Variants in PTPRJ observed in about 807,000 individuals in gnomAD.
The protein encoded by PTPRJ is receptor-type tyrosine-protein phosphatase eta.
Under a neutral mutation model 141.3 loss-of-function variants are expected in PTPRJ, and 129 were observed. The ratio of observed to expected loss-of-function variants is 0.91; its 90% CI spans 0.79 to 1.06. PTPRJ has a LOEUF of 1.06. Among genes scored for constraint, PTPRJ ranks in the 50% least tolerant of loss-of-function variants. The probability of loss-of-function intolerance (pLI) is 0.00; values close to 1 mark genes in which losing one functional copy is unlikely to be tolerated. For synonymous variants in PTPRJ, 610 were observed against 640.5 expected (o/e 0.95, Z 0.72); for missense variants, 1,601 against 1,679.7 (o/e 0.95, Z 0.82).
At chr11:48,000,046 A>G (rs1258363116) in intron 1 of PTPRJ, among the ~76,000 whole-genome samples, 1 of 150,852 alleles carries the variant, frequency 6.6e-6, no homozygotes, top group East Asian at 2.0e-4. Context: ...TTTAGTAGAG[A>G]TGGGGTTTCA....
chr11:48,057,872 T>G (rs1012365189), intron 1 of PTPRJ, among the ~76,000 whole-genome samples: 21 of 151,504 alleles, frequency 1.4e-4, no homozygotes, highest in African/African-American at 5.1e-4. Flanking sequence ...TGCTTCATCC[T>G]TTTAGGTGAT....
chr11:48,138,421 A>G (rs555962919), intron 10 of PTPRJ, among the ~76,000 whole-genome samples: 1 of 152,180 alleles, frequency 6.6e-6, no homozygotes, highest in African/African-American at 2.4e-5. Flanking sequence ...TGCAGTGTTC[A>G]GGTTACCTTT....
At chr11:48,143,295 C>T (rs1566728) in intron 12 of PTPRJ, among the ~76,000 whole-genome samples, 118,328 of 152,156 alleles carry the variant, frequency 0.78, 46,678 homozygotes, top group East Asian at 0.85. Flanking sequence ...TGCAAGCATT[C>T]GACTCTGCCA....
intron 1 of PTPRJ, among the ~76,000 whole-genome samples, chr11:48,089,497 C>T (rs566431011): frequency 1.6e-3 from 214 of 131,570 alleles, no homozygotes; most frequent in Middle Eastern, 9.7e-3. Context: ...GCCTGGGCAA[C>T]GGAGCGAGAC....
At chr11:48,141,182 T>A (rs969351050) in intron 11 of PTPRJ, among the ~76,000 whole-genome samples, 22 of 152,228 alleles carry the variant, frequency 1.4e-4, no homozygotes, top group African/African-American at 5.3e-4. Flanking sequence ...ATTTATTTTT[T>A]AAAAATATAT....
chr11:48,074,232 A>G (rs1225832465), intron 1 of PTPRJ, among the ~76,000 whole-genome samples: 2 of 152,246 alleles, frequency 1.3e-5, no homozygotes, highest in Non-Finnish European at 2.9e-5. Context: ...AAAAGTGTTT[A>G]CAGGACTTTA....
Position 48,156,017 on chromosome 11 carries a change from A to C in PTPRJ, c.3336A>C (p.Thr1112=). Residue 1112 remains threonine (T), a synonymous_variant, in exon 21 of 25, where the codon ACA becomes ACC. Coordinates refer to ENST00000418331, the MANE Select transcript of PTPRJ (RefSeq NM_002843.4). ...ACTCCAAGAAAGATTTTATTGCCAC[A>C]CAAGGACCTTTACCGAACACTTTGA... ...GYHSKKDFIA[T]QGPLPNTLKD... 1 of 1,609,246 alleles carries C rather than the reference A, an allele frequency of 6.2e-7. No individual in the cohort carries two copies. Among genetic ancestry groups the C allele is most frequent in the Non-Finnish European group, 8.5e-7 (1 of 1,175,554 alleles).
intron 1 of PTPRJ, among the ~76,000 whole-genome samples, chr11:48,031,991 CCTGTGA>C (rs1853997030): frequency 6.6e-6 from 1 of 152,144 alleles, no homozygotes; most frequent in Non-Finnish European, 1.5e-5. Context: ...AGGCAGTGTC[CCTGTGA>C]CTGTATCATA....
At position 48,110,094 on chromosome 11, in the gene PTPRJ, C is replaced by T. The variant is rs1856401466; in HGVS notation, c.115+18C>T. ...AGGTGGCAGTGAGTACCCTTTTCCT[C>T]TCTATTCTTGTGTTGTTCGCTACTG... On this transcript the variant is annotated intron_variant, in intron 2 of 24. Coordinates refer to ENST00000418331, the MANE Select transcript of PTPRJ (RefSeq NM_002843.4). 2 of 1,611,974 alleles carry T rather than the reference C, an allele frequency of 1.2e-6. No homozygotes were observed. The highest frequency in any genetic ancestry group is 2.7e-5 in the African/African-American group (2 of 74,888).
intron 18 of PTPRJ, among the ~76,000 whole-genome samples, chr11:48,150,947 C>T (rs1236497389): frequency 6.6e-6 from 1 of 152,238 alleles, no homozygotes; most frequent in Non-Finnish European, 1.5e-5. Flanking sequence ...TGTGCTCAGA[C>T]TGCCTTGTTT....
At chr11:48,049,202 A>G (rs924455166) in intron 1 of PTPRJ, among the ~76,000 whole-genome samples, 3 of 152,130 alleles carry the variant, frequency 2.0e-5, no homozygotes, top group African/African-American at 7.2e-5. Context: ...TCTATCCACT[A>G]GATGCCAGTA....
chr11:48,029,650 T>G (rs894610235), intron 1 of PTPRJ, among the ~76,000 whole-genome samples: 1 of 152,254 alleles, frequency 6.6e-6, no homozygotes, highest in Admixed American at 6.5e-5. Flanking sequence ...AGAGCTTTTT[T>G]CTTCTTTTTT....
At chr11:48,036,493 T>G (rs1854125932) in intron 1 of PTPRJ, among the ~76,000 whole-genome samples, 1 of 152,180 alleles carries the variant, frequency 6.6e-6, no homozygotes, top group African/African-American at 2.4e-5. Context: ...CAATGTTACG[T>G]GGGTTGTAAA....
At chr11:47,998,435 T>G (rs924878421) in intron 1 of PTPRJ, among the ~76,000 whole-genome samples, 1 of 152,214 alleles carries the variant, frequency 6.6e-6, no homozygotes, top group Admixed American at 6.5e-5. Flanking sequence ...GCTCCAAAAC[T>G]GTGTTCTTGA....
chr11:48,012,793 A>G (rs1427564913), intron 1 of PTPRJ, among the ~76,000 whole-genome samples: 1 of 152,132 alleles, frequency 6.6e-6, no homozygotes, highest in Non-Finnish European at 1.5e-5. Context: ...ATACAGTAAA[A>G]TTCACCCATT....
rs200921464 is a variant in PTPRJ, at chr11:48,149,508, A to G, written c.3041+20A>G. Reference sequence around the variant, plus strand: ...AATTAAGTAAGTCTCTCAAATTATGAGCTTTATTTTAAATCCTCCAATCTG... The same window carrying G: ...AATTAAGTAAGTCTCTCAAATTATGGGCTTTATTTTAAATCCTCCAATCTG... On this transcript the variant is annotated intron_variant, in intron 16 of 24. Coordinates refer to ENST00000418331, the MANE Select transcript of PTPRJ (RefSeq NM_002843.4). 72 of 1,426,184 alleles carry G rather than the reference A, an allele frequency of 5.0e-5. No homozygotes were observed. The highest frequency in any genetic ancestry group is 6.6e-5 in the Non-Finnish European group (68 of 1,030,098). The allele number at this position is 1,426,184 out of a possible 1,614,324, so 88.3% of individuals were successfully genotyped here.
intron 1 of PTPRJ, among the ~76,000 whole-genome samples, chr11:48,101,548 A>G (rs1050780675): frequency 6.6e-6 from 1 of 152,236 alleles, no homozygotes; most frequent in African/African-American, 2.4e-5. Context: ...TTTTGTGGTC[A>G]GTCAGAGGCA....
chr11:48,150,142 CAGCAAGCTGACTCCAACT>C lies in PTPRJ; in HGVS notation c.3098_3115del (p.Gln1033_Cys1039delinsArg). On this transcript the variant is annotated inframe_deletion, in exon 18 of 25. Transcript: ENST00000418331. ...GAATTTTGAGGCCTACTTCAAGAAG[CAGCAAGCTGACTCCAACT>C]GTGGGTTCGCAGAGGAATACGAAGT... 1.9e-6 allele frequency: 3 copies of C among 1,614,034 alleles called. No individual in the cohort carries two copies. Among genetic ancestry groups the C allele is most frequent in the Non-Finnish European group, 2.5e-6 (3 of 1,179,962 alleles).
chr11:48,064,867 C>A (rs1855041077), intron 1 of PTPRJ, among the ~76,000 whole-genome samples: 1 of 150,788 alleles, frequency 6.6e-6, no homozygotes, highest in African/African-American at 2.4e-5. Flanking sequence ...GTGATTCACC[C>A]ACCTTGACCT....
Sources: allele counts gnomAD v4.1 joint callset (sites outside exome capture counted in the v4.1 genomes callset), GRCh38; gene constraint gnomAD v4.1.1; transcripts MANE v1.5; gene names NCBI Gene and HGNC (gene_info 2026-07-23, HGNC 2026-07-21).